The following TAMM41 variants were observed in gnomAD, a reference collection of about 807,000 sequenced individuals.
The protein encoded by TAMM41 is phosphatidate cytidylyltransferase, mitochondrial.
Under a neutral mutation model 44.1 loss-of-function variants are expected in TAMM41, and 36 were observed. That is an observed-to-expected ratio of 0.82 (90% CI 0.63 to 1.08). TAMM41 has a LOEUF of 1.08. TAMM41 is among the 50% of genes least tolerant of loss of function. The probability of loss-of-function intolerance (pLI) is 0.00; values close to 1 mark genes in which losing one functional copy is unlikely to be tolerated. For missense variants in TAMM41, 417 were observed against 404.3 expected (o/e 1.03, Z -0.27); for synonymous variants, 164 against 153.1 (o/e 1.07, Z -0.53).
chr3:11,840,567 C>T (rs1007586695), intron 2 of TAMM41, among the ~76,000 whole-genome samples: 8 of 151,982 alleles, frequency 5.3e-5, no homozygotes, highest in African/African-American at 1.9e-4. Flanking sequence ...ACCACAGTCA[C>T]AGTGAACCGA....
the TAMM41 span, among the ~76,000 whole-genome samples, chr3:11,750,489 T>G: frequency 6.6e-6 from 1 of 151,936 alleles, no homozygotes; most frequent in Admixed American, 6.6e-5. Context: ...TTACATTTTT[T>G]TGTGGAGATA....
the TAMM41 span, among the ~76,000 whole-genome samples, chr3:11,776,003 T>G: frequency 8.1e-4 from 105 of 129,680 alleles, no homozygotes; most frequent in South Asian, 2.0e-3. Flanking sequence ...ATCTTTTATT[T>G]TTTAATTAAT....
intron 5 of TAMM41, among the ~76,000 whole-genome samples, chr3:11,813,926 A>G (rs1175900711): frequency 6.7e-6 from 1 of 149,920 alleles, no homozygotes; most frequent in Non-Finnish European, 1.5e-5. Flanking sequence ...ATATGTATAT[A>G]TGTGTGTATA....
intron 7 of TAMM41, chr3:11,807,329 C>T (rs2077940195): frequency 6.9e-7 from 1 of 1,453,658 alleles, no homozygotes; most frequent in East Asian, 2.5e-5. Context: ...GGGTGGGTGC[C>T]AGAGTTGACT....
downstream of TAMM41, chr3:11,790,414 A>G: frequency 3.3e-6 from 4 of 1,198,020 alleles, no homozygotes; most frequent in Non-Finnish European, 4.9e-6. Flanking sequence ...CTTTGAATTC[A>G]AGCAATGGGT....
chr3:11,764,510 T>TTTTTTTTTTTTA, the TAMM41 span, among the ~76,000 whole-genome samples: 1 of 139,498 alleles, frequency 7.2e-6, no homozygotes, highest in African/African-American at 2.9e-5. Context: ...TTTTTTTTTT[T>TTTTTTTTTTTTA]GAGACAGAGT....
chr3:11,839,147 A>C, intron 3 of TAMM41, 75 bp downstream of exon 3: 2 of 877,552 alleles, frequency 2.3e-6, no homozygotes, highest in Non-Finnish European at 3.6e-6. Context: ...ATCTCATTGC[A>C]ATCACAATGA....
the TAMM41 span, among the ~76,000 whole-genome samples, chr3:11,736,066 C>T: frequency 3.3e-5 from 5 of 152,170 alleles, no homozygotes; most frequent in African/African-American, 7.2e-5. Context: ...CCTATTTCCT[C>T]GTGCAGAAAT....
chr3:11,803,577 A>G (rs2173377), intron 7 of TAMM41, among the ~76,000 whole-genome samples: 84,523 of 151,930 alleles, frequency 0.56, 25,279 homozygotes, highest in East Asian at 0.77. Flanking sequence ...TACATCCAAA[A>G]GGAAAGAAAT....
At chr3:11,838,254 G>A (rs566830791) in intron 3 of TAMM41, among the ~76,000 whole-genome samples, 18 of 152,242 alleles carry the variant, frequency 1.2e-4, no homozygotes, top group African/African-American at 4.1e-4. Flanking sequence ...TCACTCTGTC[G>A]CCCAGGCTGG....
chr3:11,775,259 C>T, the TAMM41 span, among the ~76,000 whole-genome samples: 1 of 152,102 alleles, frequency 6.6e-6, no homozygotes, highest in Non-Finnish European at 1.5e-5. Context: ...CAGCCATAAG[C>T]CAGAATACTT....
the TAMM41 span, among the ~76,000 whole-genome samples, chr3:11,767,245 T>G: frequency 2.0e-5 from 3 of 151,982 alleles, no homozygotes; most frequent in African/African-American, 7.3e-5. Context: ...AATTTTGTGT[T>G]TTTAGTAGAG....
intron 7 of TAMM41, chr3:11,807,309 C>T: frequency 6.9e-7 from 1 of 1,446,064 alleles, no homozygotes; most frequent in Non-Finnish European, 9.0e-7. Flanking sequence ...AGGGTGCGTA[C>T]ATTTGATGAG....
chr3:11,729,538 C>CTTTTTTTTTTTTTTTTTTTTTT, the TAMM41 span, among the ~76,000 whole-genome samples: 18 of 65,538 alleles, frequency 2.7e-4, 2 homozygotes, highest in African/African-American at 8.9e-4. Context: ...TTCTTTCTTT[C>CTTTTTTTTTTTTTTTTTTTTTT]ATTTTTTTTT....
the TAMM41 span, among the ~76,000 whole-genome samples, chr3:11,741,781 T>C: frequency 6.7e-6 from 1 of 150,150 alleles, no homozygotes; most frequent in South Asian, 2.1e-4. Flanking sequence ...ACTATCCCAA[T>C]TGCCAGCGTC....
chr3:11,751,856 A>T, the TAMM41 span, among the ~76,000 whole-genome samples: 12 of 152,162 alleles, frequency 7.9e-5, no homozygotes, highest in Non-Finnish European at 1.5e-4. Flanking sequence ...CAGGGGGTTC[A>T]GATATGCTGG....
the TAMM41 span, among the ~76,000 whole-genome samples, chr3:11,767,383 G>A: frequency 6.6e-6 from 1 of 151,926 alleles, no homozygotes; most frequent in African/African-American, 2.4e-5. Flanking sequence ...TACTTATCTT[G>A]TTTCTACTAT....
At chr3:11,840,511 A>C (rs2079388895) in intron 2 of TAMM41, among the ~76,000 whole-genome samples, 1 of 152,118 alleles carries the variant, frequency 6.6e-6, no homozygotes, top group African/African-American at 2.4e-5. Context: ...TTGGGATTAC[A>C]GGTGTGAGCT....
chr3:11,753,549 C>A, the TAMM41 span, among the ~76,000 whole-genome samples: 1 of 151,132 alleles, frequency 6.6e-6, no homozygotes, highest in Non-Finnish European at 1.5e-5. Flanking sequence ...ATGGTGAAAC[C>A]CTATCTCTAC....
Sources: gnomAD v4.1 joint callset for allele counts (sites outside exome capture counted in the v4.1 genomes callset) on GRCh38, gnomAD v4.1.1 for gene constraint, MANE v1.5 for transcripts, NCBI Gene and HGNC (gene_info 2026-07-23, HGNC 2026-07-21) for gene names.